ADK: variants seen among roughly 807,000 people sequenced by gnomAD.
The protein encoded by ADK is adenosine kinase, also known as N6,N6-dimethyladenosine kinase.
Under a neutral mutation model 44.7 loss-of-function variants are expected in ADK, and 24 were observed. The ratio of observed to expected loss-of-function variants is 0.54; its 90% CI spans 0.39 to 0.76. The LOEUF (loss-of-function observed/expected upper bound fraction) is 0.76. Ranked by LOEUF, ADK falls within the 30% of genes least tolerant of loss-of-function variation. ADK has a pLI of 0.00. For synonymous variants in ADK, 128 were observed against 142.6 expected (o/e 0.90, Z 0.73); for missense variants, 321 against 425.1 (o/e 0.76, Z 2.15).
At chr10:74,611,179 C>T (rs532985185) in intron 9 of ADK, among the ~76,000 whole-genome samples, 1 of 151,894 alleles carries the variant, frequency 6.6e-6, no homozygotes, top group Non-Finnish European at 1.5e-5. Flanking sequence ...GCCTACCACC[C>T]TGCCCAGCTA....
At chr10:74,691,087 G>A (rs191318006) in intron 10 of ADK, among the ~76,000 whole-genome samples, 1 of 152,194 alleles carries the variant, frequency 6.6e-6, no homozygotes, top group African/African-American at 2.4e-5. Context: ...CCTTTAAGTT[G>A]ACTGCCTCGT....
chr10:74,152,771 A>G (rs554507824), intron 1 of ADK, among the ~76,000 whole-genome samples: 1 of 152,338 alleles, frequency 6.6e-6, no homozygotes, highest in Admixed American at 6.5e-5. Flanking sequence ...TAGTACAGGA[A>G]CAGAAATAGG....
rs1843780678 is a variant in ADK at position 74,210,664 on chromosome 10, G to C, written c.140+9826G>C. Among the ~76,000 whole-genome samples the C allele has an allele frequency of 2.6e-5, 4 of 152,040 alleles. No homozygotes were observed. The South Asian group carries it at 8.3e-4, about 32-fold the overall frequency. ...AATTAAAAAAAGGAAAATGCTCAAA[G>C]TAATTGGCCATAAATTTTAGTGCTG... On this transcript the variant is annotated intron_variant, in intron 2 of 10. Transcript: ENST00000539909.
chr10:74,213,980 T>C (rs1433755460), intron 2 of ADK, among the ~76,000 whole-genome samples: 2 of 152,202 alleles, frequency 1.3e-5, no homozygotes, highest in Non-Finnish European at 2.9e-5. Flanking sequence ...ATTTTTAAAA[T>C]AAAAAGCATA....
At chr10:74,457,247 G>T (rs935291435) in intron 6 of ADK, among the ~76,000 whole-genome samples, 3 of 152,138 alleles carry the variant, frequency 2.0e-5, no homozygotes, top group Admixed American at 1.3e-4. Flanking sequence ...TGGATACATT[G>T]CTGGTCAGAT....
intron 3 of ADK, among the ~76,000 whole-genome samples, chr10:74,227,227 A>G (rs1043898684): frequency 6.6e-6 from 1 of 152,198 alleles, no homozygotes; most frequent in Non-Finnish European, 1.5e-5. Context: ...CTAATCAGTA[A>G]TTCCATGCTT....
intron 6 of ADK, among the ~76,000 whole-genome samples, chr10:74,501,998 G>C (rs1847900981): frequency 6.6e-6 from 1 of 152,080 alleles, no homozygotes. Flanking sequence ...AAAGAAATCA[G>C]TTGATTTAAG....
chr10:74,656,526 C>G (rs1222786421), intron 9 of ADK, among the ~76,000 whole-genome samples: 1 of 152,120 alleles, frequency 6.6e-6, no homozygotes, highest in African/African-American at 2.4e-5. Flanking sequence ...GCTGGTGCTC[C>G]CTTCTTCCTC....
intron 1 of ADK, 79 bp from the exon 2 acceptor site, chr10:74,200,685 G>A (rs1843347159): frequency 2.1e-6 from 2 of 937,988 alleles, no homozygotes; most frequent in East Asian, 5.1e-5. Flanking sequence ...AATGAAGATA[G>A]TTATTTTTAT....
At chr10:74,188,861 C>T (rs1842861009) in intron 1 of ADK, among the ~76,000 whole-genome samples, 3 of 152,258 alleles carry the variant, frequency 2.0e-5, no homozygotes, top group Admixed American at 2.0e-4. Flanking sequence ...CAACCTTCGC[C>T]TCCCAGGTTC....
intron 6 of ADK, among the ~76,000 whole-genome samples, chr10:74,441,961 C>G (rs1190392602): frequency 6.6e-6 from 1 of 151,944 alleles, no homozygotes; most frequent in African/African-American, 2.4e-5. Flanking sequence ...TGCAGTGTCC[C>G]TAATCATCAA....
intron 6 of ADK, among the ~76,000 whole-genome samples, chr10:74,470,295 G>A (rs1386344572): frequency 6.6e-6 from 1 of 151,930 alleles, no homozygotes; most frequent in East Asian, 1.9e-4. Context: ...AAAGTTCTAG[G>A]ATTACAGGTG....
rs373225771 is a variant in ADK, at chr10:74,564,367, G to A, written c.727-24915G>A. ...AACCTGAAAACCTTCTCAAATCCAG[G>A]AAAACTAATGGTATTTCCATCTATT... On this transcript the variant is annotated intron_variant, in intron 7 of 10. Coordinates refer to ENST00000539909, the MANE Select transcript of ADK (RefSeq NM_006721.4). Among the ~76,000 whole-genome samples, 51 of 152,152 alleles carry A rather than the reference G, an allele frequency of 3.4e-4. No individual in the cohort carries two copies. In the South Asian group the frequency reaches 8.7e-3, roughly 26 times the overall value.
intron 6 of ADK, among the ~76,000 whole-genome samples, chr10:74,419,534 A>G (rs1844485586): frequency 6.6e-6 from 1 of 152,174 alleles, no homozygotes; most frequent in Non-Finnish European, 1.5e-5. Context: ...ATTCTATCTG[A>G]CAATGCACAC....
chr10:74,703,309 C>G (rs12784339), intron 10 of ADK, among the ~76,000 whole-genome samples: 36,217 of 151,772 alleles, frequency 0.24, 5,554 homozygotes, highest in East Asian at 0.68. Flanking sequence ...TGACAAAACC[C>G]CATCTACTAA....
chr10:74,388,088 T>G (rs1843206687), intron 4 of ADK, among the ~76,000 whole-genome samples: 3 of 152,096 alleles, frequency 2.0e-5, no homozygotes, highest in Admixed American at 6.6e-5. Flanking sequence ...TTTTGTATTT[T>G]TAGAGATGGA....
At chr10:74,679,936 C>T (rs371892975) in intron 10 of ADK, among the ~76,000 whole-genome samples, 5 of 151,566 alleles carry the variant, frequency 3.3e-5, no homozygotes, top group South Asian at 2.1e-4. Context: ...CTAGCCTGGG[C>T]GACACAGCAA....
chr10:74,609,825 AC>A (rs1295515277), intron 9 of ADK, among the ~76,000 whole-genome samples: 1 of 152,210 alleles, frequency 6.6e-6, no homozygotes, highest in African/African-American at 2.4e-5. Context: ...TACATAAACT[AC>A]TTTGTCTTAT....
intron 3 of ADK, among the ~76,000 whole-genome samples, chr10:74,314,187 T>C (rs1001884757): frequency 6.6e-6 from 1 of 152,146 alleles, no homozygotes; most frequent in Non-Finnish European, 1.5e-5. Flanking sequence ...TAAGGTCTTA[T>C]AATTTTCATA....
Sources: gnomAD v4.1 joint callset for allele counts (sites outside exome capture counted in the v4.1 genomes callset) on GRCh38, gnomAD v4.1.1 for gene constraint, MANE v1.5 for transcripts, NCBI Gene and HGNC (gene_info 2026-07-23, HGNC 2026-07-21) for gene names.